The following HACE1 variants were observed in gnomAD, a reference collection of about 807,000 sequenced individuals.
HACE1 encodes the protein E3 ubiquitin-protein ligase HACE1.
Under a neutral mutation model 118.4 loss-of-function variants are expected in HACE1, and 73 were observed. That is an observed-to-expected ratio of 0.62 (90% CI 0.51 to 0.75). The LOEUF is 0.75. Among genes scored for constraint, HACE1 ranks in the 30% least tolerant of loss-of-function variants. The pLI is 0.00. For synonymous variants in HACE1, 368 were observed against 374.8 expected, an observed-to-expected ratio of 0.98 and a Z score of 0.21; for missense variants, 749 against 1,102.2, an observed-to-expected ratio of 0.68 and a Z score of 4.54.
At chr6:104,779,989 T>C (rs1250786622) in intron 14 of HACE1, among the ~76,000 whole-genome samples, 1 of 152,076 alleles carries the variant, frequency 6.6e-6, no homozygotes, top group Non-Finnish European at 1.5e-5. Flanking sequence ...AAGGAACTTT[T>C]GTCCCCATTT....
intron 6 of HACE1, 148 bp downstream of exon 6, chr6:104,832,894 G>A: frequency 1.4e-6 from 1 of 719,890 alleles, no homozygotes; most frequent in Non-Finnish European, 2.4e-6. Context: ...GTGAGGCCCT[G>A]TCTCAAAAAA....
intron 19 of HACE1, among the ~76,000 whole-genome samples, chr6:104,768,832 C>T (rs1780308943): frequency 6.6e-6 from 1 of 152,052 alleles, no homozygotes; most frequent in African/African-American, 2.4e-5. Flanking sequence ...TGGTGAGATG[C>T]ACAATGAAGG....
At chr6:104,856,470 T>C (rs1776726298) in intron 1 of HACE1, among the ~76,000 whole-genome samples, 1 of 152,126 alleles carries the variant, frequency 6.6e-6, no homozygotes, top group Non-Finnish European at 1.5e-5. Flanking sequence ...GTTTCGCTCT[T>C]GATGTCCAGG....
At chr6:104,738,599 G>A (rs1025187401) in intron 22 of HACE1, among the ~76,000 whole-genome samples, 5 of 148,978 alleles carry the variant, frequency 3.4e-5, no homozygotes, top group Admixed American at 1.3e-4. Flanking sequence ...GAAATGAAGC[G>A]AGAAGGGAAG....
In HACE1 at chr6:104,729,723, A is replaced by T; in HGVS notation, c.2669T>A (p.Ile890Lys). The change falls in exon 24 of 24, where the codon ATA becomes AAA. Residue 890 changes from isoleucine (I) to lysine (K), a missense_variant. Coordinates refer to ENST00000262903, the MANE Select transcript of HACE1 (RefSeq NM_020771.4). ...TGCCACAAGAAGTCTGTCCTTGAGT[A>T]TTTCTTTACTTGGGTATTCAGGTAA... ...LKLPEYPSKE[I>K]LKDRLLVALH... 1.9e-6 allele frequency: 3 copies of T among 1,579,904 alleles called. No homozygotes were observed. The highest frequency in any genetic ancestry group is 2.6e-6 in the Non-Finnish European group (3 of 1,149,222).
intron 19 of HACE1, among the ~76,000 whole-genome samples, chr6:104,764,025 T>C (rs1241182293): frequency 6.6e-6 from 1 of 152,068 alleles, no homozygotes; most frequent in East Asian, 1.9e-4. Flanking sequence ...CCAGCCTGGG[T>C]GACAGAGCAA....
chr6:104,836,074 G>C (rs1774502998), intron 5 of HACE1, among the ~76,000 whole-genome samples: 1 of 152,164 alleles, frequency 6.6e-6, no homozygotes, highest in African/African-American at 2.4e-5. Flanking sequence ...TGCTCCATCA[G>C]AGTGACAGAA....
At chr6:104,776,052 A>T (rs1781202123) in intron 17 of HACE1, among the ~76,000 whole-genome samples, 1 of 152,230 alleles carries the variant, frequency 6.6e-6, no homozygotes. Flanking sequence ...GGTGATAACT[A>T]ATTCCATTTA....
At chr6:104,778,181 AAG>A (rs1781400448) in intron 14 of HACE1, among the ~76,000 whole-genome samples, 1 of 152,180 alleles carries the variant, frequency 6.6e-6, no homozygotes, top group African/African-American at 2.4e-5. Context: ...TTGAATAGCA[AAG>A]AGAGTCTCTC....
chr6:104,782,532 G>A (rs1302468507), intron 14 of HACE1: 1 of 152,026 alleles, frequency 6.6e-6, no homozygotes, highest in Non-Finnish European at 1.5e-5. Flanking sequence ...TTGAGAACCA[G>A]ACAGACTTTT....
chr6:104,735,505 C>T (rs1032018158), intron 22 of HACE1, among the ~76,000 whole-genome samples: 6 of 151,994 alleles, frequency 3.9e-5, no homozygotes, highest in Admixed American at 6.6e-5. Flanking sequence ...GTGGCGGGTG[C>T]CTATAGTCCC....
intron 6 of HACE1, among the ~76,000 whole-genome samples, chr6:104,832,170 G>A (rs1466335671): frequency 1.3e-5 from 2 of 152,186 alleles, no homozygotes; most frequent in South Asian, 2.1e-4. Context: ...CTCCAAAATT[G>A]AGGCTTAACA....
chr6:104,788,154 T>G (rs1782639138), intron 11 of HACE1, among the ~76,000 whole-genome samples: 1 of 152,098 alleles, frequency 6.6e-6, no homozygotes, highest in East Asian at 1.9e-4. Context: ...AATAAACCAT[T>G]GCATACTATA....
chr6:104,797,062 T>G (rs757448304), intron 7 of HACE1, 37 bp from the exon 8 acceptor site: 1 of 1,103,248 alleles, frequency 9.1e-7, no homozygotes, highest in Non-Finnish European at 1.4e-6. Flanking sequence ...AATACAATCT[T>G]TTTAAAGTCT....
Position 104,791,578 on chromosome 6 carries a change from C to T in HACE1, c.1000G>A (p.Gly334Ser), listed in dbSNP as rs1253594921. ...VRMFCHVFRIGPSSPSNGIDM... is the reference protein window; with the variant it reads ...VRMFCHVFRISPSSPSNGIDM... ...ATTCCATTACTGGGGGAGGATGGAC[C>T]AATTCGAAAGACGTGACAAAACATT... is the stretch of plus-strand genomic sequence containing the variant. The change falls in exon 11 of 24, where the codon GGT (glycine) becomes AGT (serine). Residue 334 changes from glycine to serine, a missense_variant. By Grantham distance (56) the Gly-to-Ser change is moderately conservative. This residue lies in a region of HACE1 where 267 missense variants were observed against 312.2 expected (regional missense o/e 0.86). Transcript: ENST00000262903. 1 of 1,610,814 alleles carries T rather than the reference C, an allele frequency of 6.2e-7. No individual in the cohort carries two copies. The highest frequency in any genetic ancestry group is 1.7e-5 in the Admixed American group (1 of 59,978).
At chr6:104,823,646 A>T (rs556886827) in intron 6 of HACE1, among the ~76,000 whole-genome samples, 1 of 152,200 alleles carries the variant, frequency 6.6e-6, no homozygotes, top group East Asian at 1.9e-4. Flanking sequence ...AAAAAAACAG[A>T]GAAAAACCTA....
intron 17 of HACE1, among the ~76,000 whole-genome samples, chr6:104,775,554 T>G (rs1010898405): frequency 6.6e-6 from 1 of 151,970 alleles, no homozygotes; most frequent in Non-Finnish European, 1.5e-5. Flanking sequence ...AAGAAATAAG[T>G]CTAAAATATA....
chr6:104,848,050 CCACGT>C (rs1191112846), intron 4 of HACE1, among the ~76,000 whole-genome samples: 3 of 151,460 alleles, frequency 2.0e-5, no homozygotes, highest in African/African-American at 7.3e-5. Context: ...CAGGGTTTCA[CCACGT>C]TGGTCAGACT....
Position 104,772,058 on chromosome 6 carries a change from A to G in HACE1, c.1881T>C (p.Pro627=). 2 of 1,593,312 alleles carry G rather than the reference A, an allele frequency of 1.3e-6. No homozygotes were observed. The highest frequency in any genetic ancestry group is 1.7e-6 in the Non-Finnish European group (2 of 1,161,678). ...CAGGATTTACATAAGAGTTGCTATT[A>G]GGCTGAAAAGTTGTTCCTATTGAAA... ...TQSADGTTFQ[P]NSNSYVNPDH... is the part of the protein sequence containing the mutation. The change falls in exon 18 of 24, where the codon CCT becomes CCC. Residue 627 remains proline, a synonymous_variant. Transcript: ENST00000262903.
Sources: allele counts gnomAD v4.1 joint callset (sites outside exome capture counted in the v4.1 genomes callset), GRCh38; gene constraint gnomAD v4.1.1; regional missense constraint gnomAD v4.1.1; transcripts MANE v1.5; gene names NCBI Gene and HGNC (gene_info 2026-07-23, HGNC 2026-07-21).